PDE7B: variants seen among roughly 807,000 people sequenced by gnomAD.
The protein encoded by PDE7B is phosphodiesterase 7B, also known as 3',5'-cyclic-AMP phosphodiesterase 7B.
A neutral mutation model predicts 56.2 loss-of-function variants in PDE7B; 29 were observed. The observed-to-expected ratio is 0.52, with a 90% CI of 0.38 to 0.70. The LOEUF is 0.70. Ranked by LOEUF, PDE7B falls within the 30% of genes least tolerant of loss-of-function variation. The pLI is 0.00. For missense variants in PDE7B, 490 were observed against 565.0 expected, an observed-to-expected ratio of 0.87 and a Z score of 1.35; for synonymous variants, 197 against 196.9, an observed-to-expected ratio of 1.00 and a Z score of 0.00.
intron 1 of PDE7B, among the ~76,000 whole-genome samples, chr6:135,925,708 G>A (rs1183612504): frequency 1.3e-5 from 2 of 152,136 alleles, no homozygotes; most frequent in African/African-American, 4.8e-5. Flanking sequence ...TTTACAATTA[G>A]AATGATCTTA....
chr6:136,129,043 CTCTT>C (rs1485581584), intron 3 of PDE7B, among the ~76,000 whole-genome samples: 3 of 152,178 alleles, frequency 2.0e-5, no homozygotes, highest in South Asian at 2.1e-4. Context: ...GATTCATTAA[CTCTT>C]TCTGAGTGAT....
intron 2 of PDE7B, among the ~76,000 whole-genome samples, chr6:136,010,845 A>G (rs1775879434): frequency 6.6e-6 from 1 of 152,144 alleles, no homozygotes; most frequent in South Asian, 2.1e-4. Flanking sequence ...CCAGGGTTAG[A>G]ACAAGGTCAG....
intron 1 of PDE7B, among the ~76,000 whole-genome samples, chr6:135,934,635 CAGG>C (rs2128197503): frequency 6.8e-6 from 1 of 147,592 alleles, no homozygotes; most frequent in Non-Finnish European, 1.5e-5. Flanking sequence ...GAGGCTGAGG[CAGG>C]AGAATTGCTT....
Position 135,927,394 on chromosome 6 carries a change from T to C in PDE7B, c.22-20070T>C, listed in dbSNP as rs1005958563. On this transcript the variant is annotated intron_variant, in intron 1 of 12. Transcript: ENST00000308191. The stretch of plus-strand genomic sequence containing the variant: ...GGCTCTTTTTTGCTTCTCTATGACT[T>C]TTAGAATAGTTTCTTTTAATTCTAT... Among the ~76,000 whole-genome samples, 4 of 152,150 alleles carry C rather than the reference T, an allele frequency of 2.6e-5. No homozygotes were observed. In the South Asian group the frequency reaches 8.3e-4, roughly 32 times the overall value.
At chr6:136,054,912 A>C (rs1308928065) in intron 2 of PDE7B, among the ~76,000 whole-genome samples, 1 of 152,196 alleles carries the variant, frequency 6.6e-6, no homozygotes, top group Non-Finnish European at 1.5e-5. Context: ...CATGATACTT[A>C]TTCACTATCA....
At chr6:135,856,420 C>T (rs1379675280) in intron 1 of PDE7B, among the ~76,000 whole-genome samples, 1 of 152,200 alleles carries the variant, frequency 6.6e-6, no homozygotes, top group Admixed American at 6.5e-5. Context: ...CACTTAATAT[C>T]TTCTCAATAT....
chr6:136,133,611 C>A (rs1438289868), intron 3 of PDE7B, among the ~76,000 whole-genome samples: 1 of 152,160 alleles, frequency 6.6e-6, no homozygotes, highest in African/African-American at 2.4e-5. Flanking sequence ...ATAGTCATCT[C>A]ATTCCTTCAT....
intron 2 of PDE7B, among the ~76,000 whole-genome samples, chr6:136,108,042 G>C (rs1024330806): frequency 1.4e-5 from 2 of 147,988 alleles, no homozygotes; most frequent in Non-Finnish European, 3.0e-5. Context: ...CAGGAGAATC[G>C]CTTGAACTCG....
chr6:135,918,311 T>C (rs1396384526), intron 1 of PDE7B, among the ~76,000 whole-genome samples: 1 of 152,230 alleles, frequency 6.6e-6, no homozygotes, highest in East Asian at 1.9e-4. Context: ...TTCCAACATC[T>C]GAAACAGTTG....
intron 2 of PDE7B, among the ~76,000 whole-genome samples, chr6:136,089,110 G>A (rs1219776028): frequency 6.6e-5 from 10 of 152,080 alleles, no homozygotes; most frequent in Non-Finnish European, 1.5e-4. Flanking sequence ...TACATTTGAA[G>A]CCCACTTAAA....
At chr6:136,164,422 C>T (rs1778761238) in intron 8 of PDE7B, among the ~76,000 whole-genome samples, 1 of 152,082 alleles carries the variant, frequency 6.6e-6, no homozygotes, top group African/African-American at 2.4e-5. Context: ...TGGATGGGGA[C>T]ACAGCCAAAC....
intron 10 of PDE7B, 77 bp downstream of exon 10, chr6:136,179,218 G>A (rs878893561): frequency 1.4e-5 from 19 of 1,346,484 alleles, no homozygotes; most frequent in Non-Finnish European, 1.9e-5. Context: ...GCTCACATCT[G>A]TAGTCCCAGC....
chr6:135,928,528 TACACAC>T (rs747659706), intron 1 of PDE7B, among the ~76,000 whole-genome samples: 1 of 134,744 alleles, frequency 7.4e-6, no homozygotes, highest in Non-Finnish European at 1.6e-5. Flanking sequence ...TTTATATATA[TACACAC>T]ACACACACAT....
Position 135,928,483 on chromosome 6 carries a change from T to TTATTTATATATA in PDE7B, c.22-18977_22-18966dup, listed in dbSNP as rs1562442908. 1.7e-3 allele frequency among the ~76,000 whole-genome samples: 162 copies of TTATTTATATATA among 96,864 alleles called. 1 individual carries two copies. The highest frequency in any genetic ancestry group is 5.3e-3 in the African/African-American group (145 of 27,324). The allele number at this position is 96,864 out of a possible 152,430, so 63.5% of individuals were successfully genotyped here. A position where few individuals can be genotyped will look rare whatever the true frequency, so the allele number is the denominator to read the frequency against. On this transcript the variant is annotated intron_variant, in intron 1 of 12. Transcript: ENST00000308191. ...TATATATTTATTTATATATATATAT[T>TTATTTATATATA]TATTTATATATATATATTTATATAT...
At chr6:136,006,409 C>G (rs1025461078) in intron 2 of PDE7B, among the ~76,000 whole-genome samples, 2 of 151,560 alleles carry the variant, frequency 1.3e-5, no homozygotes, top group African/African-American at 4.8e-5. Flanking sequence ...TTTTTTGGTT[C>G]CATATGAATT....
chr6:136,084,584 T>C (rs973442741), intron 2 of PDE7B, among the ~76,000 whole-genome samples: 9 of 152,196 alleles, frequency 5.9e-5, no homozygotes, highest in African/African-American at 2.2e-4. Context: ...ACACTAGCAG[T>C]CTCCGTCAGA....
chr6:135,988,839 T>C (rs1004162315), intron 2 of PDE7B, among the ~76,000 whole-genome samples: 1 of 152,210 alleles, frequency 6.6e-6, no homozygotes, highest in African/African-American at 2.4e-5. Flanking sequence ...GTATCTCTTT[T>C]ATAGAAAAGA....
In PDE7B at chr6:136,154,137, G is replaced by A. The variant is rs1260568029; in HGVS notation, c.541G>A (p.Val181Ile). The A allele has an allele frequency of 1.2e-5, 20 of 1,613,586 alleles. No individual in the cohort carries two copies. The highest frequency in any genetic ancestry group is 8.9e-5 in the East Asian group (4 of 44,854). ...PYHNAVHAAD[V>I]TQAMHCYLKE... ...TCACAATGCTGTTCACGCAGCCGAC[G>A]TCACCCAGGCCATGCACTGCTACCT... Residue 181 changes from valine (V) to isoleucine (I), a missense_variant, in exon 7 of 13, where the codon GTC (valine) becomes ATC (isoleucine). Transcript: ENST00000308191.
Position 135,926,126 on chromosome 6 carries a change from G to T in PDE7B, c.22-21338G>T, listed in dbSNP as rs368908126. ...AGGGGGGATGGAGTTTCACTCTGTC[G>T]CCCAGGCTGCAGTGCAGTGGCGCAA... On this transcript the variant is annotated intron_variant, in intron 1 of 12. Coordinates refer to ENST00000308191, the MANE Select transcript of PDE7B (RefSeq NM_018945.4). 1.3e-4 allele frequency among the ~76,000 whole-genome samples: 15 copies of T among 117,246 alleles called. 1 individual carries two copies. In the East Asian group the frequency reaches 1.6e-3, roughly 12 times the overall value. The allele number at this position is 117,246 out of a possible 152,430, so 76.9% of individuals were successfully genotyped here.
Sources: allele counts gnomAD v4.1 joint callset (sites outside exome capture counted in the v4.1 genomes callset), GRCh38; gene constraint gnomAD v4.1.1; transcripts MANE v1.5; gene names NCBI Gene and HGNC (gene_info 2026-07-23, HGNC 2026-07-21).